HDAC5: variants seen among roughly 807,000 people sequenced by gnomAD.
The protein encoded by HDAC5 is antigen NY-CO-9.
HDAC5 carries 25 observed loss-of-function variants against 133.3 expected under a neutral mutation model. That is an observed-to-expected ratio of 0.19 (90% CI 0.14 to 0.26). The LOEUF (loss-of-function observed/expected upper bound fraction) is 0.26. Ranked by LOEUF, HDAC5 falls within the 10% of genes least tolerant of loss-of-function variation. The pLI is 1.00. For missense variants in HDAC5, 1,041 were observed against 1,460.5 expected (o/e 0.71, Z 4.68); for synonymous variants, 589 against 610.8 (o/e 0.96, Z 0.53).
Position 44,082,774 on chromosome 17 carries a change from G to A in HDAC5, c.2510C>T (p.Ser837Phe). 6.4e-7 allele frequency: 1 copy of A among 1,573,008 alleles called. No homozygotes were observed. The highest frequency in any genetic ancestry group is 8.6e-7 in the Non-Finnish European group (1 of 1,158,286). The change falls in exon 19 of 27, where the codon TCC (serine) becomes TTC (phenylalanine). Residue 837 changes from serine to phenylalanine, a missense_variant. Physicochemically the swap from Ser to Phe is radical, Grantham distance 155 (BLOSUM62 -2). This residue lies in a region of HDAC5 where 174 missense variants were observed against 352.7 expected (regional missense o/e 0.49). Transcript: ENST00000682912. ...IRPPGHHAEE[S>F]TAMGFCFFNS... ...AATCTAGGGCACTCACATGGCTGTG[G>A]ATTCCTCGGCGTGGTGTCCTGGGGG...
chr17:44,091,815 C>T lies in HDAC5; in HGVS notation c.1049G>A (p.Arg350Gln), dbSNP rs773720314. 8.3e-6 allele frequency: 13 copies of T among 1,574,298 alleles called. No homozygotes were observed. The highest frequency in any genetic ancestry group is 6.8e-5 in the East Asian group (3 of 44,366). ...NIPTEMLPQH[R>Q]ALPLDSSPNQ... The stretch of plus-strand genomic sequence containing the variant: ...GGGGGAGCTGTCCAGAGGGAGGGCT[C>T]GGTGCTGAGGGAGCATCTGGGGAGC... Residue 350 changes from arginine to glutamine, a missense_variant, in exon 10 of 27, where the codon CGA (arginine) becomes CAA (glutamine). Coordinates refer to ENST00000682912, the MANE Select transcript of HDAC5 (RefSeq NM_005474.5).
At chr17:44,115,406 C>T (rs1408671896) in intron 2 of HDAC5, among the ~76,000 whole-genome samples, 5 of 152,194 alleles carry the variant, frequency 3.3e-5, no homozygotes, top group Admixed American at 2.6e-4. Flanking sequence ...AGTGGACACC[C>T]GCGTGCTCTG....
chr17:44,078,362 TG>T lies in HDAC5; in HGVS notation c.*13del. On this transcript the variant is annotated 3_prime_UTR_variant, in exon 27 of 27. Coordinates refer to ENST00000682912, the MANE Select transcript of HDAC5 (RefSeq NM_005474.5). ...ATCACAATGGTGAAGCCCAGAGGGA[TG>T]GGGGCCGGGGCGTCACAGGGCAGGC... The T allele has an allele frequency of 6.6e-7, 1 of 1,524,650 alleles. No homozygotes were observed. Among genetic ancestry groups the T allele is most frequent in the East Asian group, 2.3e-5 (1 of 43,752 alleles). The allele number at this position is 1,524,650 out of a possible 1,614,324, so 94.4% of individuals were successfully genotyped here.
intron 3 of HDAC5, among the ~76,000 whole-genome samples, chr17:44,103,803 A>T (rs2051767725): frequency 6.6e-6 from 1 of 151,488 alleles, no homozygotes; most frequent in Non-Finnish European, 1.5e-5. Context: ...CTGCCTCCCA[A>T]GTTCAAGCGA....
intron 15 of HDAC5, among the ~76,000 whole-genome samples, 160 bp downstream of exon 15, chr17:44,084,862 G>A (rs976859489): frequency 6.6e-6 from 1 of 152,224 alleles, no homozygotes. Context: ...GACCATGGGG[G>A]AAAACAGGCT....
chr17:44,112,706 G>A (rs1017166602), intron 2 of HDAC5, among the ~76,000 whole-genome samples: 1 of 152,218 alleles, frequency 6.6e-6, no homozygotes, highest in African/African-American at 2.4e-5. Context: ...CCTCAGGCTG[G>A]GAGTGGGAGG....
chr17:44,082,304 C>T (rs2050432756), intron 20 of HDAC5: 2 of 498,888 alleles, frequency 4.0e-6, no homozygotes, highest in Non-Finnish European at 7.2e-6. Flanking sequence ...CACTACCGTT[C>T]AAGGTAGGAA....
chr17:44,104,745 C>T (rs1024428415), intron 3 of HDAC5, among the ~76,000 whole-genome samples: 5 of 152,186 alleles, frequency 3.3e-5, no homozygotes, highest in East Asian at 1.9e-4. Context: ...GCCTTGCTCT[C>T]GGGGCCCCCA....
chr17:44,114,445 G>A (rs1000171406), intron 2 of HDAC5, among the ~76,000 whole-genome samples: 4 of 152,328 alleles, frequency 2.6e-5, no homozygotes, highest in African/African-American at 9.6e-5. Flanking sequence ...CGTGGGGGGG[G>A]GGGGCTGCTG....
intron 3 of HDAC5, among the ~76,000 whole-genome samples, chr17:44,096,337 G>A (rs12451532): frequency 6.6e-6 from 1 of 151,764 alleles, no homozygotes; most frequent in South Asian, 2.1e-4. Context: ...GCCCAGGCCT[G>A]AGAAAAAAGG....
chr17:44,092,064 G>A, intron 9 of HDAC5, 108 bp downstream of exon 9: 3 of 1,016,728 alleles, frequency 3.0e-6, no homozygotes, highest in Non-Finnish European at 4.4e-6. Flanking sequence ...TGGGCAGAGA[G>A]GTCTCTGCTG....
chr17:44,120,994 G>C (rs2052958914), intron 1 of HDAC5, among the ~76,000 whole-genome samples: 1 of 151,644 alleles, frequency 6.6e-6, no homozygotes. Context: ...AGGAAAAAAG[G>C]CACCAGGCTG....
Position 44,083,550 on chromosome 17 carries a change from G to GCTCTCC in HDAC5, c.2452_2457dup (p.Gly818_Glu819dup). 6.2e-7 allele frequency: 1 copy of GCTCTCC among 1,612,412 alleles called. No homozygotes were observed. Among genetic ancestry groups the GCTCTCC allele is most frequent in the Non-Finnish European group, 8.5e-7 (1 of 1,178,996 alleles). On this transcript the variant is annotated inframe_insertion, in exon 18 of 27. Coordinates refer to ENST00000682912, the MANE Select transcript of HDAC5 (RefSeq NM_005474.5). ...GGTCACAAGCACACGCTCACCTTGAGCTCTCCTGCAGCCACCTTGAAGGCC... is the reference window on the plus strand; with the variant it reads ...GGTCACAAGCACACGCTCACCTTGAGCTCTCCCTCTCCTGCAGCCACCTTGAAGGCC...
chr17:44,077,343 C>A lies in HDAC5; in HGVS notation c.*1033G>T, dbSNP rs959572175. 21 of 152,564 alleles carry A rather than the reference C, an allele frequency of 1.4e-4. No homozygotes were observed. Among genetic ancestry groups the A allele is most frequent in the African/African-American group, 5.1e-4 (21 of 41,434 alleles). The allele number at this position is 152,564 out of a possible 1,614,324, so 9.5% of individuals were successfully genotyped here. On this transcript the variant is annotated 3_prime_UTR_variant, in exon 27 of 27. Transcript: ENST00000682912. ...AGGGAGCCCAGAAGGTATGGAAGCT[C>A]CAGCTGAGAGCCGACTCCTGGATCC...
chr17:44,121,555 A>T (rs2053006574), intron 1 of HDAC5, among the ~76,000 whole-genome samples: 1 of 151,768 alleles, frequency 6.6e-6, no homozygotes, highest in Non-Finnish European at 1.5e-5. Flanking sequence ...ATTAAAGAGC[A>T]GCTGGTACTT....
In HDAC5 at chr17:44,081,109, C is replaced by T. The variant is rs572809478; in HGVS notation, c.2608-227G>A. 4.6e-4 allele frequency among the ~76,000 whole-genome samples: 70 copies of T among 152,302 alleles called. 1 individual carries two copies. The highest frequency in any genetic ancestry group is 1.6e-3 in the African/African-American group (67 of 41,552). ...CCACACTTCTCTAACTAGGTCTGAG[C>T]CTCTGTGGGGTGGCACTGTGTAGGT... On this transcript the variant is annotated intron_variant, in intron 20 of 26. Transcript: ENST00000682912.
Position 44,087,535 on chromosome 17 carries a change from C to T in HDAC5, c.1761G>A (p.Glu587=). 6.2e-7 allele frequency: 1 copy of T among 1,613,888 alleles called. No individual in the cohort carries two copies. Among genetic ancestry groups the T allele is most frequent in the South Asian group, 1.1e-5 (1 of 91,084 alleles). Residue 587 remains glutamate, a synonymous_variant, in exon 13 of 27, where the codon GAG becomes GAA. Coordinates refer to ENST00000682912, the MANE Select transcript of HDAC5 (RefSeq NM_005474.5). ...TESESTQEDL[E]EEDEEDDGEE... ...CCCCATCGTCTTCCTCGTCCTCCTC[C>T]TCCAGGTCTTCCTGTGTGCTCTCAC...
chr17:44,120,061 A>G (rs192028), intron 1 of HDAC5: 148,510 of 152,424 alleles, frequency 0.97, 72,473 homozygotes, highest in East Asian at 1. Context: ...TGAAGGAAAC[A>G]GGCTACATCT....
In HDAC5 at chr17:44,082,785, G is replaced by A. The variant is rs373580384; in HGVS notation, c.2499C>T (p.His833=). ...CTCACATGGCTGTGGATTCCTCGGC[G>A]TGGTGTCCTGGGGGCCGGATGATGG... ...GFAIIRPPGH[H]AEESTAMGFC... Residue 833 remains histidine, a synonymous_variant, in exon 19 of 27, where the codon CAC becomes CAT. Coordinates refer to ENST00000682912, the MANE Select transcript of HDAC5 (RefSeq NM_005474.5). The A allele has an allele frequency of 4.8e-5, 75 of 1,564,538 alleles. No individual in the cohort carries two copies. The highest frequency in any genetic ancestry group is 3.3e-4 in the Middle Eastern group (2 of 6,026).
Sources: allele counts gnomAD v4.1 joint callset (sites outside exome capture counted in the v4.1 genomes callset), GRCh38; gene constraint gnomAD v4.1.1; regional missense constraint gnomAD v4.1.1; transcripts MANE v1.5; gene names NCBI Gene and HGNC (gene_info 2026-07-23, HGNC 2026-07-21).